The following HMGN1 variants were observed in gnomAD, a reference collection of about 807,000 sequenced individuals.
HMGN1 encodes the protein high mobility group nucleosome binding domain 1.
HMGN1 carries 9 observed loss-of-function variants against 18.4 expected under a neutral mutation model. That is an observed-to-expected ratio of 0.49 (90% CI 0.29 to 0.85). The LOEUF (loss-of-function observed/expected upper bound fraction) is 0.85, where lower values mean the gene tolerates loss of function less well. HMGN1 is among the 40% of genes least tolerant of loss of function. The pLI is 0.07. For missense variants in HMGN1, 151 were observed against 119.2 expected (o/e 1.27, Z -1.24); for synonymous variants, 59 against 45.0 (o/e 1.31, Z -1.24).
In HMGN1 at chr21:39,346,011, A is replaced by G. The variant is rs1002945277; in HGVS notation, c.127-737T>C. ...ATACTAACTTGATACATTAAGTTCAAAATTTAAGCCATGTTAAAGAAACAT... is the reference window on the plus strand; with the variant it reads ...ATACTAACTTGATACATTAAGTTCAGAATTTAAGCCATGTTAAAGAAACAT... On this transcript the variant is annotated intron_variant, in intron 4 of 5. Coordinates refer to ENST00000380749, the MANE Select transcript of HMGN1 (RefSeq NM_004965.7). 6 of 1,152,626 alleles carry G rather than the reference A, an allele frequency of 5.2e-6. No homozygotes were observed. The Admixed American group carries it at 1.4e-4, about 27-fold the overall frequency. 71.4% of individuals were successfully genotyped at this position (1,152,626 alleles called of 1,614,324 possible).
chr21:39,347,905 T>C, intron 4 of HMGN1: 6 of 1,004,820 alleles, frequency 6.0e-6, no homozygotes, highest in Non-Finnish European at 7.2e-6. Flanking sequence ...ACTGTATATA[T>C]AAAAACTTAC....
chr21:39,348,728 G>A, intron 1 of HMGN1, 151 bp from the exon 2 acceptor site: 2 of 1,116,504 alleles, frequency 1.8e-6, no homozygotes, highest in Non-Finnish European at 2.4e-6. Flanking sequence ...GCCGCCAAAC[G>A]TTCCAGAACG....
chr21:39,343,681 A>G (rs1370944426), intron 5 of HMGN1, among the ~76,000 whole-genome samples: 1 of 152,206 alleles, frequency 6.6e-6, no homozygotes, highest in Non-Finnish European at 1.5e-5. Context: ...ACATACATTA[A>G]GGCATGTCTA....
At chr21:39,348,379 C>T (rs1005764884) in intron 3 of HMGN1, 40 bp from the exon 4 acceptor site, 1 of 1,614,150 alleles carries the variant, frequency 6.2e-7, no homozygotes, top group Non-Finnish European at 8.5e-7. Context: ...TCACCCGGGA[C>T]GACCCGCGGA....
Position 39,342,939 on chromosome 21 carries a change from T to C in HMGN1, c.*173A>G, listed in dbSNP as rs760618964. On this transcript the variant is annotated 3_prime_UTR_variant, in exon 6 of 6. Coordinates refer to ENST00000380749, the MANE Select transcript of HMGN1 (RefSeq NM_004965.7). ...AACAACCAGCAAATGATTTCACCTCTTAAAAAAAAGCATTTACACTTAAAA... is the reference window on the plus strand; with the variant it reads ...AACAACCAGCAAATGATTTCACCTCCTAAAAAAAAGCATTTACACTTAAAA... The C allele has an allele frequency of 4.1e-5, 52 of 1,268,162 alleles. No homozygotes were observed. The Middle Eastern group carries it at 7.8e-4, about 19-fold the overall frequency. 78.6% of individuals were successfully genotyped at this position (1,268,162 alleles called of 1,614,324 possible).
At chr21:39,345,517 T>C (rs1303038855) in intron 4 of HMGN1, 9 of 548,042 alleles carry the variant, frequency 1.6e-5, no homozygotes, top group African/African-American at 1.1e-4. Flanking sequence ...CACACATCAG[T>C]TGATACACCT....
At chr21:39,345,894 C>T in intron 4 of HMGN1, 1 of 1,302,290 alleles carries the variant, frequency 7.7e-7, no homozygotes, top group Non-Finnish European at 1.0e-6. Context: ...CCCTTCATAT[C>T]ATATAATGAG....
At chr21:39,348,674 C>G in intron 1 of HMGN1, 97 bp from the exon 2 acceptor site, 1 of 1,400,050 alleles carries the variant, frequency 7.1e-7, no homozygotes, top group Non-Finnish European at 9.5e-7. Flanking sequence ...CGTGACGTCA[C>G]GGCTTCCCGC....
chr21:39,344,747 T>A (rs140864302), intron 5 of HMGN1: 70 of 163,376 alleles, frequency 4.3e-4, no homozygotes, highest in African/African-American at 1.5e-3. Flanking sequence ...TTGATCTATG[T>A]TATTATTTAG....
Position 39,342,988 on chromosome 21 carries a change from CCTT to C in HMGN1, c.*121_*123del, listed in dbSNP as rs1445625586. 1.4e-5 allele frequency: 17 copies of C among 1,176,958 alleles called. No homozygotes were observed. In the East Asian group the frequency reaches 3.8e-4, roughly 26 times the overall value. The allele number at this position is 1,176,958 out of a possible 1,614,324, so 72.9% of individuals were successfully genotyped here. A position where few individuals can be genotyped will look rare whatever the true frequency, so the allele number is the denominator to read the frequency against. ...AAAATGGGATGAGGTGGGATTCCCT[CCTT>C]CTTAAAAATGTTTCTAGAGCTACTA... On this transcript the variant is annotated 3_prime_UTR_variant, in exon 6 of 6. Transcript: ENST00000380749.
At chr21:39,347,065 C>CACACACACAG (rs2037080567) in intron 4 of HMGN1, 1 of 151,596 alleles carries the variant, frequency 6.6e-6, no homozygotes, top group African/African-American at 2.4e-5. Context: ...AAAACACACA[C>CACACACACAG]ACACACACAC....
rs752876045 is a variant in HMGN1, at chr21:39,345,185, T to C, written c.216A>G (p.Glu72=). 6.2e-7 allele frequency: 1 copy of C among 1,612,298 alleles called. No homozygotes were observed. Among genetic ancestry groups the C allele is most frequent in the African/African-American group, 1.3e-5 (1 of 74,666 alleles). The change falls in exon 5 of 6, where the codon GAA becomes GAG. Residue 72 remains glutamate, a synonymous_variant. Transcript: ENST00000380749. The part of the protein sequence containing the change: ...QAEVANQETK[E]DLPAENGETK... ...TTTCCCCGTTTTCCGCAGGTAAGTCTTCTTTAGTTTCTTGGTTAGCCACTT... is the reference window on the plus strand; with the variant it reads ...TTTCCCCGTTTTCCGCAGGTAAGTCCTCTTTAGTTTCTTGGTTAGCCACTT...
intron 1 of HMGN1, 150 bp downstream of exon 1, chr21:39,348,753 C>T (rs1277319475): frequency 1.2e-5 from 13 of 1,081,140 alleles, no homozygotes; most frequent in Middle Eastern, 3.3e-4. Context: ...CCCCCGCGGC[C>T]GCCGAGCGCT....
At position 39,342,338 on chromosome 21, in the gene HMGN1, T is replaced by C. The variant is rs976759247; in HGVS notation, c.*774A>G. ...AATATTTTCATAACTGAGATTTTAT[T>C]GGTTGAGGATCAGTACAGACATTTC... On this transcript the variant is annotated 3_prime_UTR_variant, in exon 6 of 6. Transcript: ENST00000380749. The C allele has an allele frequency of 6.5e-6, 1 of 153,212 alleles. No individual in the cohort carries two copies. The highest frequency in any genetic ancestry group is 1.5e-5 in the Non-Finnish European group (1 of 68,432). 9.5% of individuals were successfully genotyped at this position (153,212 alleles called of 1,614,324 possible).
In HMGN1 at chr21:39,348,897, G is replaced by A; in HGVS notation, c.15+6C>T. The A allele has an allele frequency of 6.9e-6, 8 of 1,161,852 alleles. No homozygotes were observed. Among genetic ancestry groups the A allele is most frequent in the East Asian group, 7.7e-5 (2 of 25,908 alleles). 72.0% of individuals were successfully genotyped at this position (1,161,852 alleles called of 1,614,324 possible). Reference sequence around the variant, plus strand: ...GGGGCGTGTGCGGGCCGCGGCCGCCGCTCACCTTCCTCTTGGGCATCGTGG... The same window carrying A: ...GGGGCGTGTGCGGGCCGCGGCCGCCACTCACCTTCCTCTTGGGCATCGTGG... On this transcript the variant is annotated splice_donor_region_variant and intron_variant, in intron 1 of 5. Coordinates refer to ENST00000380749, the MANE Select transcript of HMGN1 (RefSeq NM_004965.7).
chr21:39,348,872 G>A (rs1569011419), intron 1 of HMGN1, 31 bp downstream of exon 1: 1 of 1,115,816 alleles, frequency 9.0e-7, no homozygotes. Context: ...GCGGCTCCAG[G>A]GGGCGTGTGC....
At chr21:39,348,234 T>A in intron 4 of HMGN1, 58 bp downstream of exon 4, 1 of 1,587,488 alleles carries the variant, frequency 6.3e-7, no homozygotes, top group Non-Finnish European at 8.6e-7. Flanking sequence ...AAGCCCCGCA[T>A]TAAGAAGCAG....
chr21:39,348,179 T>C (rs2037127535), intron 4 of HMGN1, 113 bp downstream of exon 4: 3 of 1,357,312 alleles, frequency 2.2e-6, no homozygotes, highest in Non-Finnish European at 3.1e-6. Flanking sequence ...TTATTTACCG[T>C]AATTATTAAA....
At chr21:39,343,661 T>C (rs2036941891) in intron 5 of HMGN1, among the ~76,000 whole-genome samples, 1 of 152,218 alleles carries the variant, frequency 6.6e-6, no homozygotes, top group African/African-American at 2.4e-5. Flanking sequence ...GTGAGTTCGA[T>C]GTGAATTTAA....
Sources: gnomAD v4.1 joint callset for allele counts (sites outside exome capture counted in the v4.1 genomes callset) on GRCh38, gnomAD v4.1.1 for gene constraint, MANE v1.5 for transcripts, NCBI Gene and HGNC (gene_info 2026-07-23, HGNC 2026-07-21) for gene names.